Variants in TPRA1 observed in about 807,000 individuals in gnomAD.
The protein encoded by TPRA1 is transmembrane protein adipocyte associated 1.
A neutral mutation model predicts 40.1 loss-of-function variants in TPRA1; 28 were observed. The observed-to-expected ratio is 0.70, with a 90% confidence interval of 0.52 to 0.96. The LOEUF is 0.96. TPRA1 is among the 40% of genes least tolerant of loss of function. TPRA1 has a pLI of 0.00. For missense variants in TPRA1, 441 were observed against 482.6 expected (o/e 0.91, Z 0.81); for synonymous variants, 219 against 209.7 (o/e 1.04, Z -0.38).
upstream of TPRA1, chr3:127,594,777 A>G (rs1576406017): frequency 6.6e-6 from 1 of 152,432 alleles, no homozygotes; most frequent in South Asian, 2.1e-4. Flanking sequence ...GAGCTGGCTC[A>G]ATACATGGGT....
At chr3:127,596,037 C>T (rs975351581) in intron 1 of TPRA1, among the ~76,000 whole-genome samples, 3 of 151,998 alleles carry the variant, frequency 2.0e-5, no homozygotes, top group Non-Finnish European at 4.4e-5. Context: ...CCACAGACAC[C>T]GAGACAGTGG....
chr3:127,587,699 CAG>C (rs1195205856), intron 1 of TPRA1, among the ~76,000 whole-genome samples: 12 of 134,688 alleles, frequency 8.9e-5, no homozygotes, highest in African/African-American at 3.4e-4. Flanking sequence ...TTTTTTGAGA[CAG>C]AGTCTTGCTC....
At chr3:127,575,696 G>C in intron 8 of TPRA1, 53 bp downstream of exon 8, 1 of 1,592,306 alleles carries the variant, frequency 6.3e-7, no homozygotes. Context: ...ACAGTGGCCC[G>C]GTAGACTCCC....
chr3:127,598,126 A>G (rs2074265821), exon 1 of TPRA1: 1 of 414,044 alleles, frequency 2.4e-6, no homozygotes, highest in African/African-American at 2.2e-5. Context: ...TGTCAGCAAA[A>G]TGGCCCTGGT....
At chr3:127,584,716 A>G (rs1416599874) in intron 1 of TPRA1, among the ~76,000 whole-genome samples, 1 of 152,148 alleles carries the variant, frequency 6.6e-6, no homozygotes, top group Non-Finnish European at 1.5e-5. Flanking sequence ...ACGAGCTGAG[A>G]CAGGCTGACA....
At position 127,575,480 on chromosome 3, in the gene TPRA1, C is replaced by T. The variant is rs1292765649; in HGVS notation, c.696G>A (p.Ala232=). ...GTAGGTTGAGCAGTGCCAGGATGCC[C>T]GCATACACGTAGAAGCTCCTCCGAG... ...LPSRRSFYVY[A]GILALLNLLQ... is the part of the protein sequence containing the mutation. The change falls in exon 9 of 11, where the codon GCG becomes GCA. Residue 232 remains alanine, a synonymous_variant. Coordinates refer to ENST00000355552, the MANE Select transcript of TPRA1 (RefSeq NM_001136053.4). The T allele has an allele frequency of 3.1e-6, 5 of 1,595,564 alleles. No homozygotes were observed. Among genetic ancestry groups the T allele is most frequent in the South Asian group, 1.1e-5 (1 of 88,508 alleles).
At position 127,584,447 on chromosome 3, in the gene TPRA1, TA is replaced by T. The variant is rs1163065087; in HGVS notation, c.-17-4285del. ...CTGGGCCACAGAGTGAGACCCTGTC[TA>T]AAAAAAAAAAAAAAAAAAAAAAAAA... On this transcript the variant is annotated intron_variant, in intron 1 of 10. Coordinates refer to ENST00000355552, the MANE Select transcript of TPRA1 (RefSeq NM_001136053.4). Among the ~76,000 whole-genome samples, 150 of 20,830 alleles carry T rather than the reference TA, an allele frequency of 7.2e-3. No individual in the cohort carries two copies. The East Asian group carries it at 0.17, about 23-fold the overall frequency. The allele number at this position is 20,830 out of a possible 152,430, so 13.7% of individuals were successfully genotyped here. A position where few individuals can be genotyped will look rare whatever the true frequency, so the allele number is the denominator to read the frequency against.
At chr3:127,581,993 A>G (rs987627865) in intron 1 of TPRA1, among the ~76,000 whole-genome samples, 2 of 152,148 alleles carry the variant, frequency 1.3e-5, no homozygotes, top group African/African-American at 4.8e-5. Context: ...CCTCCCCTTC[A>G]GCAAGGAGCC....
At chr3:127,581,914 T>C (rs1401036796) in intron 1 of TPRA1, among the ~76,000 whole-genome samples, 2 of 131,686 alleles carry the variant, frequency 1.5e-5, no homozygotes, top group African/African-American at 5.8e-5. Flanking sequence ...AGAGCGAGAC[T>C]CCATCTCAAA....
upstream of TPRA1, among the ~76,000 whole-genome samples, chr3:127,592,915 A>G (rs2074203617): frequency 6.6e-6 from 1 of 152,194 alleles, no homozygotes; most frequent in Admixed American, 6.5e-5. Context: ...TGCTTCTGCT[A>G]TCTTGCTGGC....
At chr3:127,588,954 G>A (rs994118033) in intron 1 of TPRA1, among the ~76,000 whole-genome samples, 1 of 152,194 alleles carries the variant, frequency 6.6e-6, no homozygotes, top group African/African-American at 2.4e-5. Context: ...GGGAGGGGTT[G>A]GTCAGCTCAC....
chr3:127,593,133 T>C (rs981149506), upstream of TPRA1, among the ~76,000 whole-genome samples: 1 of 152,240 alleles, frequency 6.6e-6, no homozygotes, highest in Non-Finnish European at 1.5e-5. Context: ...TAACCAAAGG[T>C]ATCTGCCTTT....
At chr3:127,592,367 G>GTTTT (rs746017013), upstream of TPRA1, among the ~76,000 whole-genome samples, 24 of 88,530 alleles carry the variant, frequency 2.7e-4, 1 homozygote, top group Non-Finnish European at 4.0e-4. Flanking sequence ...GCAACATGCT[G>GTTTT]TTTTTTTTTT....
chr3:127,587,616 A>C (rs2074037850), intron 1 of TPRA1, among the ~76,000 whole-genome samples: 1 of 152,118 alleles, frequency 6.6e-6, no homozygotes, highest in East Asian at 1.9e-4. Flanking sequence ...GGATCAAACA[A>C]AACCAGGGAT....
chr3:127,577,204 T>G (rs1175201023), intron 3 of TPRA1, 128 bp from the exon 4 acceptor site: 1 of 903,806 alleles, frequency 1.1e-6, no homozygotes, highest in African/African-American at 1.7e-5. Flanking sequence ...AGGCGCAAAG[T>G]CAGGGTGGGA....
upstream of TPRA1, among the ~76,000 whole-genome samples, chr3:127,593,841 TCAC>T (rs2074215994): frequency 6.6e-6 from 1 of 152,170 alleles, no homozygotes; most frequent in South Asian, 2.1e-4. Context: ...GGCCATCTGA[TCAC>T]CACACTTTTT....
At chr3:127,592,621 A>C (rs1366117823), upstream of TPRA1, among the ~76,000 whole-genome samples, 5 of 151,336 alleles carry the variant, frequency 3.3e-5, no homozygotes, top group Admixed American at 6.6e-5. Context: ...TCCTGACCTC[A>C]TGATCCACCC....
At chr3:127,587,166 G>T (rs2074026941) in intron 1 of TPRA1, 1 of 152,218 alleles carries the variant, frequency 6.6e-6, no homozygotes, top group South Asian at 2.1e-4. Context: ...TAGAGCAAAA[G>T]TCTCAGGGCA....
chr3:127,586,583 T>A (rs1053085961), intron 1 of TPRA1, among the ~76,000 whole-genome samples: 1 of 152,224 alleles, frequency 6.6e-6, no homozygotes, highest in Non-Finnish European at 1.5e-5. Context: ...GGTCTAGAAC[T>A]CTGGACCTCA....
Sources: gnomAD v4.1 joint callset for allele counts (sites outside exome capture counted in the v4.1 genomes callset) on GRCh38, gnomAD v4.1.1 for gene constraint, MANE v1.5 for transcripts, NCBI Gene and HGNC (gene_info 2026-07-23, HGNC 2026-07-21) for gene names.